Variants in ACYP2 observed in about 807,000 individuals in gnomAD.
ACYP2 encodes acylphosphatase 2, also known as acylphosphatase-2.
Under a neutral mutation model 11.2 loss-of-function variants are expected in ACYP2, and 12 were observed. The observed-to-expected ratio is 1.08, with a 90% confidence interval of 0.69 to 1.74. The LOEUF is 1.74. Among genes scored for constraint, ACYP2 ranks in the 40% most tolerant of loss-of-function variants. The pLI, the probability that ACYP2 is intolerant of heterozygous loss-of-function variation, is 0.00. For synonymous variants in ACYP2, 43 were observed against 32.2 expected (o/e 1.33, Z -1.13); for missense variants, 134 against 101.9 (o/e 1.31, Z -1.35).
At chr2:54,297,763 T>A (rs796690265) in intron 6 of ACYP2, among the ~76,000 whole-genome samples, 3 of 151,936 alleles carry the variant, frequency 2.0e-5, no homozygotes, top group African/African-American at 2.4e-5. Flanking sequence ...AAGAAAAATA[T>A]GAGTATAAAT....
intron 6 of ACYP2, among the ~76,000 whole-genome samples, chr2:54,159,080 T>G (rs1156377938): frequency 6.6e-6 from 1 of 152,126 alleles, no homozygotes; most frequent in Non-Finnish European, 1.5e-5. Flanking sequence ...AACCATGTGT[T>G]ATAGGTTTAC....
chr2:53,988,967 T>G (rs1028198137), intron 2 of ACYP2, among the ~76,000 whole-genome samples: 4 of 152,102 alleles, frequency 2.6e-5, no homozygotes, highest in African/African-American at 9.7e-5. Flanking sequence ...CAGGCTGGTC[T>G]TCAACTCCTG....
chr2:53,985,878 G>A (rs2104514127), intron 2 of ACYP2, among the ~76,000 whole-genome samples: 1 of 152,306 alleles, frequency 6.6e-6, no homozygotes, highest in East Asian at 1.9e-4. Flanking sequence ...GCTCATGCCT[G>A]TAATCCCAGC....
At chr2:54,204,230 C>A (rs1215010349) in intron 6 of ACYP2, among the ~76,000 whole-genome samples, 1 of 151,874 alleles carries the variant, frequency 6.6e-6, no homozygotes, top group Admixed American at 6.6e-5. Flanking sequence ...AACTCCTGAC[C>A]TCATGTTCCG....
At chr2:54,252,113 C>T (rs187221657) in intron 6 of ACYP2, among the ~76,000 whole-genome samples, 328 of 152,342 alleles carry the variant, frequency 2.2e-3, no homozygotes, top group African/African-American at 7.4e-3. Flanking sequence ...ATTCTGACTT[C>T]TACCACCATA....
chr2:54,094,422 G>T (rs925030375), intron 4 of ACYP2, among the ~76,000 whole-genome samples: 4 of 151,780 alleles, frequency 2.6e-5, no homozygotes, highest in Admixed American at 2.6e-4. Context: ...TAGAGACGGG[G>T]TTTCACATGT....
intron 6 of ACYP2, among the ~76,000 whole-genome samples, chr2:54,208,266 C>T (rs371684925): frequency 5.1e-4 from 77 of 152,048 alleles, no homozygotes; most frequent in African/African-American, 1.8e-3. Flanking sequence ...CCCTCTTCTT[C>T]CCTCTGTCTC....
chr2:53,988,848 C>T (rs1215656786), intron 2 of ACYP2, among the ~76,000 whole-genome samples: 3 of 152,062 alleles, frequency 2.0e-5, no homozygotes, highest in African/African-American at 7.2e-5. Context: ...CGGGTTCATG[C>T]GATTTTCCCT....
At chr2:54,267,384 C>G (rs1688086775) in intron 6 of ACYP2, 1 of 1,537,592 alleles carries the variant, frequency 6.5e-7, no homozygotes, top group East Asian at 2.5e-5. Flanking sequence ...TTTCTACTTT[C>G]AAATGAGAAG....
intron 6 of ACYP2, among the ~76,000 whole-genome samples, chr2:54,234,146 G>T (rs907582988): frequency 2.6e-5 from 4 of 152,202 alleles, no homozygotes; most frequent in African/African-American, 9.7e-5. Flanking sequence ...GGAATAAGAG[G>T]AGTATTGTCA....
At chr2:54,160,684 G>C (rs1289505784) in intron 6 of ACYP2, among the ~76,000 whole-genome samples, 2 of 152,208 alleles carry the variant, frequency 1.3e-5, no homozygotes, top group Non-Finnish European at 2.9e-5. Flanking sequence ...TTGGGAACAT[G>C]TGACTGGAAC....
intron 4 of ACYP2, among the ~76,000 whole-genome samples, chr2:54,103,812 A>G (rs567073779): frequency 1.1e-4 from 16 of 152,370 alleles, no homozygotes; most frequent in Non-Finnish European, 2.2e-4. Flanking sequence ...CACAGGGAGT[A>G]CTATGAGTGA....
intron 4 of ACYP2, among the ~76,000 whole-genome samples, chr2:54,090,369 G>C (rs1678162068): frequency 6.6e-6 from 1 of 151,370 alleles, no homozygotes. Context: ...AGTGGCTCAT[G>C]CCTGTAATCC....
intron 6 of ACYP2, among the ~76,000 whole-genome samples, chr2:54,267,613 T>A (rs1688096196): frequency 6.6e-6 from 1 of 152,126 alleles, no homozygotes; most frequent in African/African-American, 2.4e-5. Context: ...TTCTGGAAAA[T>A]GAGACAGGAA....
At chr2:54,171,409 A>T (rs921781670) in intron 6 of ACYP2, among the ~76,000 whole-genome samples, 2 of 152,168 alleles carry the variant, frequency 1.3e-5, no homozygotes, top group African/African-American at 4.8e-5. Flanking sequence ...GGCCAAATGC[A>T]TATCTTCTCT....
intron 4 of ACYP2, among the ~76,000 whole-genome samples, chr2:54,058,011 A>G (rs1009834314): frequency 1.3e-5 from 2 of 152,238 alleles, no homozygotes; most frequent in African/African-American, 4.8e-5. Context: ...CACATAGAAA[A>G]TAGGAGAAAA....
At chr2:54,116,645 G>A (rs534113016) in intron 4 of ACYP2, among the ~76,000 whole-genome samples, 3 of 151,660 alleles carry the variant, frequency 2.0e-5, no homozygotes, top group Non-Finnish European at 4.4e-5. Flanking sequence ...CTGGTTCTTT[G>A]GTGCCAAAAA....
intron 4 of ACYP2, among the ~76,000 whole-genome samples, chr2:54,110,851 G>A (rs566311669): frequency 2.0e-5 from 3 of 152,088 alleles, no homozygotes; most frequent in South Asian, 4.2e-4. Context: ...CACGTTGACC[G>A]ATACCTGAGG....
At chr2:54,035,321 A>G (rs1366832404) in intron 2 of ACYP2, among the ~76,000 whole-genome samples, 2 of 140,164 alleles carry the variant, frequency 1.4e-5, no homozygotes, top group Non-Finnish European at 3.0e-5. Flanking sequence ...GCTGGAGGGC[A>G]GTGGTGCGAT....
Sources: allele counts gnomAD v4.1 joint callset (sites outside exome capture counted in the v4.1 genomes callset), GRCh38; gene constraint gnomAD v4.1.1; transcripts MANE v1.5; gene names NCBI Gene and HGNC (gene_info 2026-07-23, HGNC 2026-07-21).